The following GPR55 variants were observed in gnomAD, a reference collection of about 807,000 sequenced individuals.
GPR55 encodes the protein G-protein coupled receptor 55.
GPR55 carries 6 observed loss-of-function variants against 7.9 expected under a neutral mutation model. The ratio of observed to expected loss-of-function variants is 0.76; its 90% CI spans 0.41 to 1.49. GPR55 has a LOEUF of 1.49. Among genes scored for constraint, GPR55 ranks in the 40% most tolerant of loss-of-function variants. The pLI, the probability that GPR55 is intolerant of heterozygous loss-of-function variation, is 0.01. For synonymous variants in GPR55, 183 were observed against 166.8 expected, an observed-to-expected ratio of 1.10 and a Z score of -0.75; for missense variants, 376 against 406.0, an observed-to-expected ratio of 0.93 and a Z score of 0.63.
At chr2:230,938,885 G>A (rs527242186) in intron 1 of GPR55, among the ~76,000 whole-genome samples, 4 of 152,270 alleles carry the variant, frequency 2.6e-5, no homozygotes, top group African/African-American at 7.2e-5. Flanking sequence ...TCTGGGTCTC[G>A]GTAAACAACT....
chr2:230,951,938 T>A lies in GPR55; in HGVS notation c.-135+8837A>T, dbSNP rs58699773. 4.0e-3 allele frequency among the ~76,000 whole-genome samples: 573 copies of A among 143,120 alleles called. 5 individuals are homozygous for A. The highest frequency in any genetic ancestry group is 0.013 in the African/African-American group (498 of 38,888). The allele number at this position is 143,120 out of a possible 152,430, so 93.9% of individuals were successfully genotyped here. On this transcript the variant is annotated intron_variant, in intron 1 of 1. Coordinates refer to the GPR55 transcript ENST00000392039. ...CAGGCCCGGCTAATTTTTTTTTTTT[T>A]AATTTTTTTGCAGAAACGGGGGTCT... is the stretch of plus-strand genomic sequence containing the variant.
At chr2:230,959,831 T>C (rs1691542590) in intron 1 of GPR55, among the ~76,000 whole-genome samples, 3 of 152,240 alleles carry the variant, frequency 2.0e-5, no homozygotes, top group African/African-American at 7.2e-5. Flanking sequence ...ATTTTCATTT[T>C]TGTCTTTATA....
chr2:230,921,226 A>G (rs2125055112), intron 1 of GPR55, among the ~76,000 whole-genome samples: 1 of 152,358 alleles, frequency 6.6e-6, no homozygotes, highest in East Asian at 1.9e-4. Context: ...TGGAAATATA[A>G]TGTAGCTGGA....
chr2:230,928,537 A>T (rs1352968186), upstream of GPR55: 1 of 152,228 alleles, frequency 6.6e-6, no homozygotes, highest in Non-Finnish European at 1.5e-5. Context: ...GACAGATGAC[A>T]GTACCTGTCT....
At chr2:230,954,570 A>G (rs1363332534) in intron 1 of GPR55, among the ~76,000 whole-genome samples, 1 of 152,252 alleles carries the variant, frequency 6.6e-6, no homozygotes, top group Non-Finnish European at 1.5e-5. Flanking sequence ...ACATCAGGGT[A>G]AATGAGGTAT....
At chr2:230,937,286 T>C (rs1312343538) in intron 1 of GPR55, among the ~76,000 whole-genome samples, 1 of 151,588 alleles carries the variant, frequency 6.6e-6, no homozygotes, top group African/African-American at 2.4e-5. Flanking sequence ...ACACTTGTGG[T>C]CCTAGCTACT....
chr2:230,911,697 C>A (rs975071806), intron 1 of GPR55, among the ~76,000 whole-genome samples: 1 of 152,132 alleles, frequency 6.6e-6, no homozygotes, highest in Non-Finnish European at 1.5e-5. Context: ...GCCTCTTGTA[C>A]CCCAAAGAGA....
chr2:230,931,515 C>G (rs1691037145), intron 1 of GPR55, among the ~76,000 whole-genome samples: 1 of 152,168 alleles, frequency 6.6e-6, no homozygotes, highest in East Asian at 1.9e-4. Context: ...CTCACCAACC[C>G]CATGAGGCAG....
chr2:230,909,993 T>G lies in GPR55; in HGVS notation c.*10A>C. ...CAGGGCTTTCTTCCCCTGAACAGGA[T>G]GTCCTTCCGTTAGCCCCGGGAGATC... On this transcript the variant is annotated 3_prime_UTR_variant, in exon 2 of 2. Coordinates refer to ENST00000650999, the MANE Select transcript of GPR55 (RefSeq NM_005683.4). 1 of 1,607,834 alleles carries G rather than the reference T, an allele frequency of 6.2e-7. No individual in the cohort carries two copies. The highest frequency in any genetic ancestry group is 8.5e-7 in the Non-Finnish European group (1 of 1,176,614).
At position 230,907,537 on chromosome 2, in the gene GPR55, C is replaced by G. The variant is rs1690477752; in HGVS notation, c.*2466G>C. The G allele has an allele frequency of 6.6e-6, 1 of 152,222 alleles. No homozygotes were observed. Among genetic ancestry groups the G allele is most frequent in the African/African-American group, 2.4e-5 (1 of 41,392 alleles). 9.4% of individuals were successfully genotyped at this position (152,222 alleles called of 1,614,324 possible). Reference sequence around the variant, plus strand: ...TGCCCGCTCCCACAGACACGGGTCCCCACGGAGAAGAGGCCCTTCTTTCCA... The same window carrying G: ...TGCCCGCTCCCACAGACACGGGTCCGCACGGAGAAGAGGCCCTTCTTTCCA... On this transcript the variant is annotated 3_prime_UTR_variant, in exon 2 of 2. Transcript: ENST00000650999.
intron 1 of GPR55, among the ~76,000 whole-genome samples, chr2:230,933,303 C>T (rs970676736): frequency 1.3e-5 from 2 of 152,146 alleles, no homozygotes; most frequent in South Asian, 2.1e-4. Flanking sequence ...CAGACTGCTC[C>T]ACTGCCCCAT....
chr2:230,937,346 C>T (rs1420907992), intron 1 of GPR55, among the ~76,000 whole-genome samples: 6 of 150,800 alleles, frequency 4.0e-5, no homozygotes, highest in South Asian at 2.1e-4. Context: ...TAGAGGCTCC[C>T]GTGAGTCGTG....
chr2:230,941,119 GA>G (rs147860493), intron 1 of GPR55, among the ~76,000 whole-genome samples: 5 of 147,746 alleles, frequency 3.4e-5, no homozygotes, highest in African/African-American at 7.5e-5. Flanking sequence ...TCCATCTCCA[GA>G]AAAAAAAAAG....
intron 1 of GPR55, among the ~76,000 whole-genome samples, chr2:230,920,461 A>C (rs1690807383): frequency 6.6e-6 from 1 of 152,142 alleles, no homozygotes; most frequent in African/African-American, 2.4e-5. Flanking sequence ...ATGGGAGAAC[A>C]GCAACAAGAA....
At chr2:230,926,319 C>T (rs1177580497), upstream of GPR55, among the ~76,000 whole-genome samples, 1 of 152,210 alleles carries the variant, frequency 6.6e-6, no homozygotes, top group Non-Finnish European at 1.5e-5. Context: ...TGGGCAGTGC[C>T]AAGTCCACTG....
At chr2:230,957,674 C>G (rs1691513122) in intron 1 of GPR55, 6 of 545,212 alleles carry the variant, frequency 1.1e-5, no homozygotes, top group South Asian at 8.3e-5. Context: ...TGAAAATATT[C>G]CCTGTGCCCG....
rs547018074 is a variant in GPR55, at chr2:230,915,259, T to C, written c.-134-4163A>G. Among the ~76,000 whole-genome samples the C allele has an allele frequency of 6.6e-5, 10 of 152,314 alleles. No homozygotes were observed. In the South Asian group the frequency reaches 8.3e-4, roughly 13 times the overall value. On this transcript the variant is annotated intron_variant, in intron 1 of 1. Transcript: ENST00000650999. The stretch of plus-strand genomic sequence containing the variant: ...GGGAGGTCTCAGCAGCACCCCTGCA[T>C]AGCTGCCAAGGAGCCATCCCAGTGC...
chr2:230,937,891 A>C (rs1691158086), intron 1 of GPR55, among the ~76,000 whole-genome samples: 1 of 152,162 alleles, frequency 6.6e-6, no homozygotes. Flanking sequence ...ACAGTGGCTC[A>C]TGCTTGTAAT....
At chr2:230,954,139 C>T (rs1028988767) in intron 1 of GPR55, among the ~76,000 whole-genome samples, 2 of 152,382 alleles carry the variant, frequency 1.3e-5, no homozygotes, top group African/African-American at 4.8e-5. Context: ...GTTTCACAGC[C>T]CTGGCTATGC....
Sources: allele counts gnomAD v4.1 joint callset (sites outside exome capture counted in the v4.1 genomes callset), GRCh38; gene constraint gnomAD v4.1.1; transcripts MANE v1.5; gene names NCBI Gene and HGNC (gene_info 2026-07-23, HGNC 2026-07-21).